The following KHDRBS3 variants were observed in gnomAD, a reference collection of about 807,000 sequenced individuals.
The protein encoded by KHDRBS3 is KH RNA binding domain containing, signal transduction associated 3, also known as KH domain-containing, RNA-binding, signal transduction-associated protein 3.
A neutral mutation model predicts 45.6 loss-of-function variants in KHDRBS3; 23 were observed. The ratio of observed to expected loss-of-function variants is 0.50; its 90% confidence interval spans 0.36 to 0.72. The LOEUF is 0.72. Among genes scored for constraint, KHDRBS3 ranks in the 30% least tolerant of loss-of-function variants. KHDRBS3 has a pLI of 0.00. For missense variants in KHDRBS3, 352 were observed against 424.8 expected, an observed-to-expected ratio of 0.83 and a Z score of 1.51; for synonymous variants, 162 against 156.5, an observed-to-expected ratio of 1.04 and a Z score of -0.26.
At chr8:135,534,684 G>A (rs1453034078) in intron 2 of KHDRBS3, among the ~76,000 whole-genome samples, 6 of 152,096 alleles carry the variant, frequency 3.9e-5, no homozygotes, top group Non-Finnish European at 8.8e-5. Context: ...ATTGTGCTCT[G>A]CCCCCATGAC....
chr8:135,534,900 A>G (rs1443213453), intron 2 of KHDRBS3, among the ~76,000 whole-genome samples: 1 of 152,146 alleles, frequency 6.6e-6, no homozygotes, highest in Non-Finnish European at 1.5e-5. Context: ...TGCCATGGTA[A>G]GTGGAAGCTT....
At chr8:135,645,280 T>C (rs991473559) in intron 8 of KHDRBS3, among the ~76,000 whole-genome samples, 163 bp downstream of exon 8, 7 of 152,222 alleles carry the variant, frequency 4.6e-5, no homozygotes, top group African/African-American at 1.7e-4. Context: ...TCCTTTATTA[T>C]ATAAATATTT....
At chr8:135,602,764 C>T (rs575117875) in intron 6 of KHDRBS3, among the ~76,000 whole-genome samples, 1 of 152,306 alleles carries the variant, frequency 6.6e-6, no homozygotes, top group East Asian at 1.9e-4. Flanking sequence ...TTCACCCTTT[C>T]TGTTTCGTGC....
intron 1 of KHDRBS3, among the ~76,000 whole-genome samples, chr8:135,503,018 T>C (rs1823810339): frequency 6.6e-6 from 1 of 152,210 alleles, no homozygotes; most frequent in Non-Finnish European, 1.5e-5. Context: ...GGCTGCTATA[T>C]TTGACTGCAC....
At chr8:135,642,298 A>G (rs918110862) in intron 7 of KHDRBS3, among the ~76,000 whole-genome samples, 6 of 152,224 alleles carry the variant, frequency 3.9e-5, no homozygotes, top group Non-Finnish European at 8.8e-5. Context: ...GCTGCCACTT[A>G]TAAGTTGAGT....
At chr8:135,589,521 G>A (rs1156842572) in intron 6 of KHDRBS3, among the ~76,000 whole-genome samples, 2 of 152,162 alleles carry the variant, frequency 1.3e-5, no homozygotes, top group Non-Finnish European at 2.9e-5. Flanking sequence ...GTTTTCCCGA[G>A]CTCTTGGCTC....
At chr8:135,651,739 T>C (rs1471780556), downstream of KHDRBS3, among the ~76,000 whole-genome samples, 1 of 152,242 alleles carries the variant, frequency 6.6e-6, no homozygotes, top group Non-Finnish European at 1.5e-5. Context: ...CACTTTTTCA[T>C]CCTCTTGTCC....
At chr8:135,585,857 G>A (rs1347864770) in intron 6 of KHDRBS3, among the ~76,000 whole-genome samples, 1 of 152,130 alleles carries the variant, frequency 6.6e-6, no homozygotes, top group African/African-American at 2.4e-5. Flanking sequence ...CCTATACAGA[G>A]ACTTGATAAC....
downstream of KHDRBS3, among the ~76,000 whole-genome samples, chr8:135,650,118 C>T (rs538717316): frequency 4.7e-4 from 71 of 152,250 alleles, no homozygotes; most frequent in African/African-American, 1.6e-3. Context: ...CATATGGCAG[C>T]ATATATGGAA....
At chr8:135,615,114 A>G (rs1829863894) in intron 7 of KHDRBS3, among the ~76,000 whole-genome samples, 1 of 151,746 alleles carries the variant, frequency 6.6e-6, no homozygotes, top group South Asian at 2.1e-4. Flanking sequence ...GGGTGATCAG[A>G]TATCATGGGT....
intron 6 of KHDRBS3, among the ~76,000 whole-genome samples, chr8:135,597,611 C>G (rs1277057064): frequency 6.6e-6 from 1 of 152,078 alleles, no homozygotes; most frequent in African/African-American, 2.4e-5. Flanking sequence ...TTTTGTTTCT[C>G]TGCTTCCCCA....
At chr8:135,493,303 C>CT (rs1255414918) in intron 1 of KHDRBS3, among the ~76,000 whole-genome samples, 1 of 151,960 alleles carries the variant, frequency 6.6e-6, no homozygotes, top group African/African-American at 2.4e-5. Flanking sequence ...TCTTTCTTCT[C>CT]TTATCATACT....
chr8:135,580,605 C>CTCT (rs1554633539), intron 5 of KHDRBS3, among the ~76,000 whole-genome samples: 4 of 128,870 alleles, frequency 3.1e-5, no homozygotes, highest in South Asian at 2.5e-4. Context: ...CTCTCTCTCT[C>CTCT]TTTTTTTTTT....
intron 7 of KHDRBS3, among the ~76,000 whole-genome samples, chr8:135,636,754 A>G (rs886248881): frequency 3.3e-5 from 5 of 152,194 alleles, no homozygotes; most frequent in African/African-American, 9.6e-5. Context: ...CTGCGGTCAC[A>G]TGGACAGCAG....
intron 1 of KHDRBS3, among the ~76,000 whole-genome samples, chr8:135,461,524 G>A (rs1175729194): frequency 6.6e-6 from 1 of 152,214 alleles, no homozygotes; most frequent in African/African-American, 2.4e-5. Context: ...AGGGTGAATT[G>A]ACATTGCAAT....
chr8:135,482,089 C>T (rs1822607187), intron 1 of KHDRBS3, among the ~76,000 whole-genome samples: 1 of 152,196 alleles, frequency 6.6e-6, no homozygotes, highest in Non-Finnish European at 1.5e-5. Flanking sequence ...CAGTAATAGG[C>T]ACACTGCCAG....
At position 135,587,582 on chromosome 8, in the gene KHDRBS3, G is replaced by C. The variant is rs575706280; in HGVS notation, c.807+5509G>C. Among the ~76,000 whole-genome samples the C allele has an allele frequency of 3.3e-5, 5 of 152,234 alleles. No individual in the cohort carries two copies. The South Asian group carries it at 1.0e-3, about 32-fold the overall frequency. ...CTCCTCATCTCTTTTTGGAGAACAAGAAGTGCCTTTTTTCCAAAATGACAT... is the reference window on the plus strand; with the variant it reads ...CTCCTCATCTCTTTTTGGAGAACAACAAGTGCCTTTTTTCCAAAATGACAT... On this transcript the variant is annotated intron_variant, in intron 6 of 8. Coordinates refer to ENST00000355849, the MANE Select transcript of KHDRBS3 (RefSeq NM_006558.3).
intron 3 of KHDRBS3, among the ~76,000 whole-genome samples, chr8:135,547,891 GA>G (rs1413454733): frequency 6.6e-6 from 1 of 152,168 alleles, no homozygotes; most frequent in Non-Finnish European, 1.5e-5. Context: ...GGTTAGTTAG[GA>G]AAAGGCAGTG....
intron 1 of KHDRBS3, chr8:135,458,158 TGGAA>T (rs1400820778): frequency 2.2e-6 from 3 of 1,345,760 alleles, no homozygotes; most frequent in Non-Finnish European, 2.9e-6. Flanking sequence ...TTTGGGGACT[TGGAA>T]GGAGAAGGCT....
Sources: allele counts gnomAD v4.1 joint callset (sites outside exome capture counted in the v4.1 genomes callset), GRCh38; gene constraint gnomAD v4.1.1; transcripts MANE v1.5; gene names NCBI Gene and HGNC (gene_info 2026-07-23, HGNC 2026-07-21).